The following CCDC126 variants were observed in gnomAD, a reference collection of about 807,000 sequenced individuals.
CCDC126 encodes coiled-coil domain-containing protein 126.
CCDC126 carries 5 observed loss-of-function variants against 11.7 expected under a neutral mutation model. The ratio of observed to expected loss-of-function variants is 0.43; its 90% CI spans 0.22 to 0.90. CCDC126 has a LOEUF of 0.90. CCDC126 is among the 40% of genes least tolerant of loss of function. The probability of loss-of-function intolerance (pLI) is 0.27; values close to 1 mark genes in which losing one functional copy is unlikely to be tolerated. For synonymous variants in CCDC126, 60 were observed against 61.9 expected, an observed-to-expected ratio of 0.97 and a Z score of 0.14; for missense variants, 150 against 163.1, an observed-to-expected ratio of 0.92 and a Z score of 0.44.
At chr7:23,638,689 G>T (rs1436348678) in intron 3 of CCDC126, among the ~76,000 whole-genome samples, 1 of 84,868 alleles carries the variant, frequency 1.2e-5, no homozygotes, top group Non-Finnish European at 2.1e-5. Context: ...CCCCCTCTGC[G>T]AGAAACACCC....
At chr7:23,604,946 C>G (rs146218363) in intron 2 of CCDC126, among the ~76,000 whole-genome samples, 1 of 148,118 alleles carries the variant, frequency 6.8e-6, no homozygotes, top group East Asian at 2.0e-4. Flanking sequence ...TGCAGTGAGC[C>G]GAGATTGAGC....
intron 3 of CCDC126, chr7:23,622,837 A>G (rs1229451476): frequency 1.7e-5 from 7 of 413,468 alleles, no homozygotes; most frequent in Admixed American, 2.9e-5. Flanking sequence ...ATCTTACAAG[A>G]CACAATTCCT....
intron 3 of CCDC126, among the ~76,000 whole-genome samples, chr7:23,626,577 G>C (rs1783019904): frequency 6.6e-6 from 1 of 151,984 alleles, no homozygotes; most frequent in Admixed American, 6.6e-5. Context: ...GTCTTGGGGG[G>C]TTCATTGTAC....
chr7:23,643,075 C>G lies in CCDC126; in HGVS notation c.383C>G (p.Thr128Ser), dbSNP rs143836528. 1.9e-6 allele frequency: 3 copies of G among 1,613,942 alleles called. No individual in the cohort carries two copies. The African/African-American group carries it at 4.0e-5, about 22-fold the overall frequency. ...ACTAGTGGGAATTTGGTGCCAGTAA[C>G]CACAAATAAAAGAACGAATGTCTCG... The part of the protein sequence containing the change: ...NGTSGNLVPV[T>S]TNKRTNVSGS... The change falls in exon 4 of 4, where the codon ACC becomes AGC. Residue 128 changes from threonine to serine, a missense_variant. Thr to Ser is a moderately conservative substitution (Grantham distance 58). Transcript: ENST00000307471.
chr7:23,607,799 T>G (rs1483563468), intron 2 of CCDC126, among the ~76,000 whole-genome samples: 1 of 152,278 alleles, frequency 6.6e-6, no homozygotes, highest in African/African-American at 2.4e-5. Context: ...TTCAATCCCC[T>G]TCACCCCTTC....
Position 23,627,927 on chromosome 7 carries a change from C to T in CCDC126, c.239-15004C>T, listed in dbSNP as rs1783042799. ...TTAATGTTAATATTTAAATGTTCTT[C>T]AGAAAATAATAGTTTAAAAATTATT... On this transcript the variant is annotated intron_variant, in intron 3 of 3. Transcript: ENST00000307471. Among the ~76,000 whole-genome samples, 4 of 152,084 alleles carry T rather than the reference C, an allele frequency of 2.6e-5. No individual in the cohort carries two copies. In the South Asian group the frequency reaches 8.3e-4, roughly 32 times the overall value.
At chr7:23,598,250 C>G (rs539935048) in intron 2 of CCDC126, 199 bp downstream of exon 2, 2 of 152,324 alleles carry the variant, frequency 1.3e-5, no homozygotes, top group South Asian at 4.1e-4. Context: ...GGAATATAGA[C>G]CTATAACGTC....
At chr7:23,617,895 C>T (rs1484806103) in intron 3 of CCDC126, among the ~76,000 whole-genome samples, 1 of 152,144 alleles carries the variant, frequency 6.6e-6, no homozygotes, top group Non-Finnish European at 1.5e-5. Flanking sequence ...AGAGATCTAA[C>T]TAAGGGACAT....
rs2128023867 is a variant in CCDC126 at position 23,643,294 on chromosome 7, T to G, written c.*179T>G. On this transcript the variant is annotated 3_prime_UTR_variant, in exon 4 of 4. Transcript: ENST00000307471. The stretch of plus-strand genomic sequence containing the variant: ...TGTACATAAAAATTTTAAAGTTATT[T>G]GTTTGCTTTCAGGCAAGTCTGTTCA... 12 of 580,420 alleles carry G rather than the reference T, an allele frequency of 2.1e-5. No individual in the cohort carries two copies. The South Asian group carries it at 4.0e-4, about 19-fold the overall frequency. 36.0% of individuals were successfully genotyped at this position (580,420 alleles called of 1,614,324 possible).
chr7:23,627,575 A>T (rs1783037038), intron 3 of CCDC126, among the ~76,000 whole-genome samples: 1 of 151,842 alleles, frequency 6.6e-6, no homozygotes, highest in Admixed American at 6.6e-5. Flanking sequence ...CTCAGAAAAA[A>T]AAAAAAAGAA....
intron 2 of CCDC126, among the ~76,000 whole-genome samples, chr7:23,600,210 A>T (rs557517707): frequency 6.6e-6 from 1 of 151,980 alleles, no homozygotes; most frequent in East Asian, 1.9e-4. Flanking sequence ...ATTCAGTGCT[A>T]TTGTCTTCTA....
At chr7:23,601,514 T>C (rs950898968) in intron 2 of CCDC126, among the ~76,000 whole-genome samples, 2 of 152,212 alleles carry the variant, frequency 1.3e-5, no homozygotes, top group African/African-American at 4.8e-5. Flanking sequence ...GTTTTGAAAA[T>C]TGCTCATTGC....
chr7:23,615,652 C>G (rs529304978), intron 3 of CCDC126, among the ~76,000 whole-genome samples: 1 of 152,276 alleles, frequency 6.6e-6, no homozygotes, highest in South Asian at 2.1e-4. Context: ...CACTTGAACA[C>G]TTAGAAGCCA....
intron 3 of CCDC126, among the ~76,000 whole-genome samples, chr7:23,632,759 G>A (rs190498828): frequency 2.0e-5 from 3 of 152,256 alleles, no homozygotes; most frequent in East Asian, 1.9e-4. Context: ...TGTAAAATGC[G>A]TGGTCCTTGT....
chr7:23,597,860 C>A (rs1419705558), intron 1 of CCDC126, 107 bp from the exon 2 acceptor site: 1 of 151,144 alleles, frequency 6.6e-6, no homozygotes, highest in Admixed American at 6.6e-5. Flanking sequence ...GGCGGAGAGC[C>A]GAGCGTGGCT....
chr7:23,600,387 C>CG (rs1491517309), intron 2 of CCDC126, among the ~76,000 whole-genome samples: 63 of 140,904 alleles, frequency 4.5e-4, no homozygotes, highest in Non-Finnish European at 8.3e-4. Context: ...CCCCCCCCCC[C>CG]ACCACCATAT....
At chr7:23,639,058 TAATA>T (rs1373075290) in intron 3 of CCDC126, among the ~76,000 whole-genome samples, 1 of 152,020 alleles carries the variant, frequency 6.6e-6, no homozygotes, top group African/African-American at 2.4e-5. Context: ...TGAAAGGTAT[TAATA>T]AATAAATGTC....
At chr7:23,634,042 C>T (rs1056302002) in intron 3 of CCDC126, among the ~76,000 whole-genome samples, 26 of 152,288 alleles carry the variant, frequency 1.7e-4, no homozygotes, top group African/African-American at 5.8e-4. Flanking sequence ...CAGTTTTATT[C>T]CTTCTGTGTG....
chr7:23,617,757 C>T (rs1782819613), intron 3 of CCDC126, among the ~76,000 whole-genome samples: 1 of 152,118 alleles, frequency 6.6e-6, no homozygotes, highest in East Asian at 1.9e-4. Context: ...GGGTTATTAC[C>T]TCCTTATGTT....
Sources: gnomAD v4.1 joint callset for allele counts (sites outside exome capture counted in the v4.1 genomes callset) on GRCh38, gnomAD v4.1.1 for gene constraint, MANE v1.5 for transcripts, NCBI Gene and HGNC (gene_info 2026-07-23, HGNC 2026-07-21) for gene names.